SLC24A2: variants seen among roughly 807,000 people sequenced by gnomAD.
The protein encoded by SLC24A2 is sodium/potassium/calcium exchanger 2.
A neutral mutation model predicts 62.0 loss-of-function variants in SLC24A2; 36 were observed. That is an observed-to-expected ratio of 0.58 (90% CI 0.44 to 0.77). The LOEUF (loss-of-function observed/expected upper bound fraction) is 0.77. Ranked by LOEUF, SLC24A2 falls within the 30% of genes least tolerant of loss-of-function variation. SLC24A2 has a pLI of 0.00. For missense variants in SLC24A2, 846 were observed against 817.9 expected (o/e 1.03, Z -0.42); for synonymous variants, 358 against 294.0 (o/e 1.22, Z -2.23).
intron 2 of SLC24A2, among the ~76,000 whole-genome samples, chr9:19,680,605 CATAT>C (rs3086327): frequency 6.8e-6 from 1 of 147,610 alleles, no homozygotes; most frequent in African/African-American, 2.5e-5. Flanking sequence ...AGTTCTATAA[CATAT>C]ATATATATAT....
At chr9:19,611,023 G>A (rs190748659) in intron 4 of SLC24A2, among the ~76,000 whole-genome samples, 1 of 152,310 alleles carries the variant, frequency 6.6e-6, no homozygotes, top group Admixed American at 6.5e-5. Context: ...AGAATGCAGA[G>A]CAGGGAGAGG....
At chr9:19,749,119 C>CT (rs1407152617) in intron 2 of SLC24A2, among the ~76,000 whole-genome samples, 1 of 149,488 alleles carries the variant, frequency 6.7e-6, no homozygotes, top group African/African-American at 2.5e-5. Context: ...AGTTACCTCT[C>CT]TTTTTTGCTC....
In SLC24A2 at chr9:19,788,896, G is replaced by A; in HGVS notation, c.-165C>T. The A allele has an allele frequency of 1.0e-6, 1 of 985,382 alleles. No individual in the cohort carries two copies. Among genetic ancestry groups the A allele is most frequent in the Non-Finnish European group, 1.2e-6 (1 of 829,906 alleles). The allele number at this position is 985,382 out of a possible 1,614,324, so 61.0% of individuals were successfully genotyped here. A position where few individuals can be genotyped will look rare whatever the true frequency, so the allele number is the denominator to read the frequency against. ...CCGCCCGCACTTACCAGGATAAGAT[G>A]GGAGGACGCGCACACGGCGGGGCCC... On this transcript the variant is annotated 5_prime_UTR_variant, in exon 1 of 11. Transcript: ENST00000341998.
the SLC24A2 span, among the ~76,000 whole-genome samples, chr9:19,908,659 A>C: frequency 6.6e-6 from 1 of 152,224 alleles, no homozygotes; most frequent in Admixed American, 6.5e-5. Flanking sequence ...ACCCCATCAA[A>C]AAGTGGGCAA....
At chr9:19,557,760 T>TA (rs979269182) in intron 7 of SLC24A2, among the ~76,000 whole-genome samples, 6 of 152,024 alleles carry the variant, frequency 3.9e-5, no homozygotes, top group Non-Finnish European at 5.9e-5. Flanking sequence ...TTTTTTTTTT[T>TA]TATATTTTCT....
chr9:19,959,130 T>C, the SLC24A2 span, among the ~76,000 whole-genome samples: 3 of 152,264 alleles, frequency 2.0e-5, no homozygotes, highest in Admixed American at 1.3e-4. Flanking sequence ...GTGAGTACCG[T>C]AGATTAAGGC....
At chr9:19,861,788 T>C in the SLC24A2 span, among the ~76,000 whole-genome samples, 2 of 152,012 alleles carry the variant, frequency 1.3e-5, no homozygotes, top group Non-Finnish European at 2.9e-5. Context: ...AAAATGCAGT[T>C]GGCATACTGA....
the SLC24A2 span, among the ~76,000 whole-genome samples, chr9:20,185,839 G>C: frequency 8.5e-5 from 13 of 152,168 alleles, 1 homozygote; most frequent in African/African-American, 2.9e-4. Flanking sequence ...AGCTAGATTT[G>C]ATTGCAAAAT....
chr9:19,893,729 A>C, the SLC24A2 span, among the ~76,000 whole-genome samples: 3 of 151,730 alleles, frequency 2.0e-5, no homozygotes, highest in Non-Finnish European at 4.4e-5. Context: ...ATTAGCTTTG[A>C]CTGCAAGTGA....
Position 19,636,283 on chromosome 9 carries a change from T to TTC in SLC24A2, c.931-13985_931-13984insGA, listed in dbSNP as rs755734384. The stretch of plus-strand genomic sequence containing the variant: ...TTCTTTTCTTCTCTTCTTCTCTTCT[T>TTC]CTCTTCTTTTCTTTTCTTTTCTTTT... On this transcript the variant is annotated intron_variant, in intron 2 of 10. Coordinates refer to ENST00000341998, the MANE Select transcript of SLC24A2 (RefSeq NM_020344.4). Among the ~76,000 whole-genome samples, 40 of 77,918 alleles carry TTC rather than the reference T, an allele frequency of 5.1e-4. 1 individual carries two copies. Among genetic ancestry groups the TTC allele is most frequent in the African/African-American group, 2.1e-3 (37 of 17,522 alleles). The allele number at this position is 77,918 out of a possible 152,430, so 51.1% of individuals were successfully genotyped here.
the SLC24A2 span, among the ~76,000 whole-genome samples, chr9:19,931,651 G>T: frequency 2.0e-5 from 3 of 152,074 alleles, no homozygotes; most frequent in Middle Eastern, 3.2e-3. Flanking sequence ...TCAAATTAGG[G>T]TGACTAAACA....
At chr9:19,677,780 T>G (rs993183594) in intron 2 of SLC24A2, among the ~76,000 whole-genome samples, 2 of 150,266 alleles carry the variant, frequency 1.3e-5, no homozygotes, top group African/African-American at 4.9e-5. Flanking sequence ...TATTATGTGA[T>G]ATCTATTATA....
At position 19,515,618 on chromosome 9, in the gene SLC24A2, C is replaced by T. The variant is rs966568692; in HGVS notation, c.*535G>A. On this transcript the variant is annotated 3_prime_UTR_variant, in exon 11 of 11. Transcript: ENST00000341998. The stretch of plus-strand genomic sequence containing the variant: ...AAGCCCAGACTGCAAGTTGATGCCC[C>T]TCTTCAAATAAGTACTATAAATATA... The T allele has an allele frequency of 2.6e-5, 4 of 152,220 alleles. No individual in the cohort carries two copies. The highest frequency in any genetic ancestry group is 9.7e-5 in the African/African-American group (4 of 41,416). The allele number at this position is 152,220 out of a possible 1,614,324, so 9.4% of individuals were successfully genotyped here.
At chr9:20,082,770 T>A in the SLC24A2 span, among the ~76,000 whole-genome samples, 4 of 152,252 alleles carry the variant, frequency 2.6e-5, no homozygotes, top group Non-Finnish European at 5.9e-5. Context: ...GGAATTGATT[T>A]CAAATTATTT....
chr9:20,066,891 G>A, the SLC24A2 span, among the ~76,000 whole-genome samples: 1 of 152,104 alleles, frequency 6.6e-6, no homozygotes, highest in Non-Finnish European at 1.5e-5. Context: ...GACCTCAAAG[G>A]CTAATTGTTT....
chr9:19,620,100 A>G (rs951282520), intron 3 of SLC24A2, among the ~76,000 whole-genome samples: 1 of 152,218 alleles, frequency 6.6e-6, no homozygotes, highest in African/African-American at 2.4e-5. Flanking sequence ...AATGGATCCC[A>G]GGTCTGCTTT....
chr9:20,233,847 T>G, the SLC24A2 span, among the ~76,000 whole-genome samples: 5 of 152,210 alleles, frequency 3.3e-5, no homozygotes, highest in African/African-American at 1.2e-4. Flanking sequence ...TTTGGCATGT[T>G]TTTGCAGTGG....
chr9:19,860,927 C>A, the SLC24A2 span, among the ~76,000 whole-genome samples: 11 of 152,152 alleles, frequency 7.2e-5, no homozygotes, highest in African/African-American at 2.7e-4. Context: ...AGAAGCAGTA[C>A]AATAGAATAC....
intron 7 of SLC24A2, among the ~76,000 whole-genome samples, chr9:19,559,937 G>C (rs921510593): frequency 1.2e-4 from 18 of 152,022 alleles, no homozygotes; most frequent in African/African-American, 4.1e-4. Context: ...TTCACTACTG[G>C]GTTGTGGATC....
Sources: gnomAD v4.1 joint callset for allele counts (sites outside exome capture counted in the v4.1 genomes callset) on GRCh38, gnomAD v4.1.1 for gene constraint, MANE v1.5 for transcripts, NCBI Gene and HGNC (gene_info 2026-07-23, HGNC 2026-07-21) for gene names.